FAM78A: variants seen among roughly 807,000 people sequenced by gnomAD.
FAM78A encodes protein FAM78A.
Under a neutral mutation model 22.6 loss-of-function variants are expected in FAM78A, and 12 were observed. That is an observed-to-expected ratio of 0.53 (90% CI 0.34 to 0.86). The LOEUF (loss-of-function observed/expected upper bound fraction) is 0.86. Ranked by LOEUF, FAM78A falls within the 40% of genes least tolerant of loss-of-function variation. The pLI is 0.02. For missense variants in FAM78A, 322 were observed against 396.1 expected (o/e 0.81, Z 1.59); for synonymous variants, 151 against 155.8 (o/e 0.97, Z 0.23).
At chr9:131,271,162 C>T (rs184544515) in intron 1 of FAM78A, among the ~76,000 whole-genome samples, 96 of 152,254 alleles carry the variant, frequency 6.3e-4, no homozygotes, top group African/African-American at 2.3e-3. Context: ...CACATGCCAC[C>T]ATGCCTGGCT....
chr9:131,264,575 G>A (rs1835318714), intron 1 of FAM78A: 2 of 717,250 alleles, frequency 2.8e-6, no homozygotes, highest in South Asian at 3.0e-5. Context: ...TAAATGTACT[G>A]ATACTCACTG....
In FAM78A at chr9:131,258,976, A is replaced by C. The variant is rs1289214432; in HGVS notation, c.*1846T>G. 2.6e-5 allele frequency: 4 copies of C among 152,616 alleles called. No homozygotes were observed. The highest frequency in any genetic ancestry group is 6.5e-5 in the Admixed American group (1 of 15,290). The allele number at this position is 152,616 out of a possible 1,614,324, so 9.5% of individuals were successfully genotyped here. A position where few individuals can be genotyped will look rare whatever the true frequency, so the allele number is the denominator to read the frequency against. On this transcript the variant is annotated 3_prime_UTR_variant, in exon 2 of 2. Coordinates refer to ENST00000372271, the MANE Select transcript of FAM78A (RefSeq NM_033387.4). ...GCCCGGAGACCGACGGCAGTGGCTAAACGGTCATTAAGCACCCCTTGAATA... is the reference window on the plus strand; with the variant it reads ...GCCCGGAGACCGACGGCAGTGGCTACACGGTCATTAAGCACCCCTTGAATA...
At chr9:131,268,922 G>A (rs1449895660) in intron 1 of FAM78A, among the ~76,000 whole-genome samples, 1 of 146,766 alleles carries the variant, frequency 6.8e-6, no homozygotes, top group African/African-American at 2.5e-5. Flanking sequence ...CTCTTAGGCC[G>A]AGCGCGGTGG....
intron 1 of FAM78A, among the ~76,000 whole-genome samples, chr9:131,262,507 C>T (rs139587822): frequency 9.3e-5 from 14 of 150,484 alleles, no homozygotes; most frequent in Non-Finnish European, 1.8e-4. Flanking sequence ...CCCAACTGGA[C>T]GCAGTGGCTC....
At position 131,258,340 on chromosome 9, in the gene FAM78A, C is replaced by T. The variant is rs1835215786; in HGVS notation, c.*2482G>A. Reference sequence around the variant, plus strand: ...CCTGGGGCCTGTGCTCCAACATGAGCAAGGAGGCTGAAGGAGCAGACCGGG... The same window carrying T: ...CCTGGGGCCTGTGCTCCAACATGAGTAAGGAGGCTGAAGGAGCAGACCGGG... On this transcript the variant is annotated 3_prime_UTR_variant, in exon 2 of 2. Coordinates refer to ENST00000372271, the MANE Select transcript of FAM78A (RefSeq NM_033387.4). 6.6e-6 allele frequency: 1 copy of T among 152,538 alleles called. No individual in the cohort carries two copies. Among genetic ancestry groups the T allele is most frequent in the African/African-American group, 2.4e-5 (1 of 41,452 alleles). The allele number at this position is 152,538 out of a possible 1,614,324, so 9.4% of individuals were successfully genotyped here. A position where few individuals can be genotyped will look rare whatever the true frequency, so the allele number is the denominator to read the frequency against.
intron 1 of FAM78A, chr9:131,270,597 C>G (rs1356401580): frequency 1.4e-6 from 1 of 704,752 alleles, no homozygotes; most frequent in African/African-American, 1.8e-5. Flanking sequence ...AGCCTTGAAA[C>G]AAGGACTTCC....
In FAM78A at chr9:131,272,825, G is replaced by A. The variant is rs1835436667; in HGVS notation, c.323+3032C>T. ...GCATGCCTGTAATCCCAGCTACTCT[G>A]GAGGCTGGAGCCGGAGAATCACTTG... On this transcript the variant is annotated intron_variant, in intron 1 of 1. Transcript: ENST00000372271. This position sits in a 1 kb window ranked among gnomAD's most constrained non-coding sequence, Gnocchi z 4.1. 6.6e-6 allele frequency among the ~76,000 whole-genome samples: 1 copy of A among 152,144 alleles called. No individual in the cohort carries two copies. The highest frequency in any genetic ancestry group is 1.5e-5 in the Non-Finnish European group (1 of 68,028).
At chr9:131,278,138 G>C (rs373537824), upstream of FAM78A, among the ~76,000 whole-genome samples, 1,424 of 151,510 alleles carry the variant, frequency 9.4e-3, 15 homozygotes, top group Middle Eastern at 0.014. Context: ...CCTCCCCCTG[G>C]TAATCCCTCG....
rs1185757831 is a variant in FAM78A at position 131,258,636 on chromosome 9, C to A, written c.*2186G>T. ...CTCCAGCCCCACCTCCAGGAATAAA[C>A]CAGCGGCCTGAGACCCGCTTCCTGA... On this transcript the variant is annotated 3_prime_UTR_variant, in exon 2 of 2. Coordinates refer to ENST00000372271, the MANE Select transcript of FAM78A (RefSeq NM_033387.4). 5 of 152,282 alleles carry A rather than the reference C, an allele frequency of 3.3e-5. No individual in the cohort carries two copies. Among genetic ancestry groups the A allele is most frequent in the African/African-American group, 4.8e-5 (2 of 41,448 alleles). 9.4% of individuals were successfully genotyped at this position (152,282 alleles called of 1,614,324 possible). A position where few individuals can be genotyped will look rare whatever the true frequency, so the allele number is the denominator to read the frequency against.
At chr9:131,277,007 CG>C (rs1400921279), upstream of FAM78A, among the ~76,000 whole-genome samples, 1 of 149,668 alleles carries the variant, frequency 6.7e-6, no homozygotes, top group Non-Finnish European at 1.5e-5. This position sits in a 1 kb window ranked among gnomAD's most constrained non-coding sequence, Gnocchi z 8.4. Flanking sequence ...AACTTTGCTG[CG>C]GGGGGCGCGC....
intron 1 of FAM78A, chr9:131,270,125 G>T: frequency 2.8e-5 from 15 of 539,458 alleles, no homozygotes; most frequent in East Asian, 6.8e-5. Flanking sequence ...AGAATCGCTT[G>T]AACCCGGGAG....
At position 131,274,557 on chromosome 9, in the gene FAM78A, G is replaced by A. The variant is rs1238059225; in HGVS notation, c.323+1300C>T. Among the ~76,000 whole-genome samples, 4 of 152,194 alleles carry A rather than the reference G, an allele frequency of 2.6e-5. No individual in the cohort carries two copies. The highest frequency in any genetic ancestry group is 6.5e-5 in the Admixed American group (1 of 15,282). On this transcript the variant is annotated intron_variant, in intron 1 of 1. Transcript: ENST00000372271. The surrounding 1 kb of genome is among the most constrained non-coding windows in gnomAD (Gnocchi z 4.2). The stretch of plus-strand genomic sequence containing the variant: ...GAGAGCCTCTAGATGTGCCCCCCAT[G>A]TACCTCTTTGGGACAGTCACTGTCA...
intron 1 of FAM78A, chr9:131,262,649 A>G (rs1044454152): frequency 2.0e-5 from 3 of 152,154 alleles, no homozygotes; most frequent in Non-Finnish European, 4.4e-5. Context: ...CCAAGTGTCC[A>G]ACGACAGATA....
At chr9:131,280,462 CAACAGCA>C (rs1367931671), upstream of FAM78A, among the ~76,000 whole-genome samples, 20 of 152,172 alleles carry the variant, frequency 1.3e-4, no homozygotes, top group African/African-American at 4.8e-4. Context: ...AGTCATTGCC[CAACAGCA>C]CAGGGCACTC....
chr9:131,260,950 T>C lies in FAM78A; in HGVS notation c.724A>G (p.Ile242Val). 6.2e-7 allele frequency: 1 copy of C among 1,610,444 alleles called. No homozygotes were observed. The highest frequency in any genetic ancestry group is 8.5e-7 in the Non-Finnish European group (1 of 1,177,790). The change falls in exon 2 of 2, where the codon ATC becomes GTC. Residue 242 changes from isoleucine (I) to valine (V), a missense_variant. Ile to Val is a conservative substitution (Grantham distance 29). Transcript: ENST00000372271. The surrounding 1 kb of genome is among the most constrained non-coding windows in gnomAD (Gnocchi z 5.4). ...REPIAQDQPK[I>V]LSKNEPIPPS... Reference sequence around the variant, plus strand: ...GGGATGGGCTCATTCTTGCTCAGGATTTTGGGCTGGTCCTGGGCGATGGGC... The same window carrying C: ...GGGATGGGCTCATTCTTGCTCAGGACTTTGGGCTGGTCCTGGGCGATGGGC...
chr9:131,260,993 C>T lies in FAM78A; in HGVS notation c.681G>A (p.Gln227=), dbSNP rs759194346. ...IEVNPNRPLG[Q]RARLREPIAQ... is the part of the protein sequence containing the mutation. ...CGATGGGCTCCCGCAGCCGGGCGCGCTGGCCCAGGGGCCGGTTGGGGTTCA... is the reference window on the plus strand; with the variant it reads ...CGATGGGCTCCCGCAGCCGGGCGCGTTGGCCCAGGGGCCGGTTGGGGTTCA... The change falls in exon 2 of 2, where the codon CAG becomes CAA. Residue 227 remains glutamine, a synonymous_variant. Transcript: ENST00000372271. This position sits in a 1 kb window ranked among gnomAD's most constrained non-coding sequence, Gnocchi z 5.4. 4.3e-6 allele frequency: 7 copies of T among 1,613,604 alleles called. No homozygotes were observed. The highest frequency in any genetic ancestry group is 5.9e-6 in the Non-Finnish European group (7 of 1,179,830).
At chr9:131,279,646 GA>G (rs1420751855), upstream of FAM78A, among the ~76,000 whole-genome samples, 2 of 152,222 alleles carry the variant, frequency 1.3e-5, no homozygotes, top group Non-Finnish European at 2.9e-5. Flanking sequence ...TGCTGGAGGT[GA>G]TTTCCCGGGG....
In FAM78A at chr9:131,259,752, A is replaced by G. The variant is rs1480258319; in HGVS notation, c.*1070T>C. ...TGCCTTCCTTACCTTTGAGACTAAC[A>G]TTGAGGCTGTGTGTCGGCGGTCCAG... On this transcript the variant is annotated 3_prime_UTR_variant, in exon 2 of 2. Coordinates refer to ENST00000372271, the MANE Select transcript of FAM78A (RefSeq NM_033387.4). The G allele has an allele frequency of 6.6e-6, 1 of 152,560 alleles. No individual in the cohort carries two copies. The highest frequency in any genetic ancestry group is 2.4e-5 in the African/African-American group (1 of 41,454). 9.5% of individuals were successfully genotyped at this position (152,560 alleles called of 1,614,324 possible). A position where few individuals can be genotyped will look rare whatever the true frequency, so the allele number is the denominator to read the frequency against.
At chr9:131,264,636 G>T in intron 1 of FAM78A, 2 of 717,182 alleles carry the variant, frequency 2.8e-6, no homozygotes, top group Non-Finnish European at 5.2e-6. Flanking sequence ...CCCTTTGAGG[G>T]TGGCATCAGC....
Sources: allele counts gnomAD v4.1 joint callset (sites outside exome capture counted in the v4.1 genomes callset), GRCh38; gene constraint gnomAD v4.1.1; non-coding constraint Gnocchi (gnomAD v3.1); transcripts MANE v1.5; gene names NCBI Gene and HGNC (gene_info 2026-07-23, HGNC 2026-07-21).